CXCL13: variants seen among roughly 807,000 people sequenced by gnomAD.
The protein encoded by CXCL13 is C-X-C motif chemokine ligand 13, also known as C-X-C motif chemokine 13.
CXCL13 carries 7 observed loss-of-function variants against 12.2 expected under a neutral mutation model. That is an observed-to-expected ratio of 0.57 (90% CI 0.33 to 1.07). The LOEUF (loss-of-function observed/expected upper bound fraction) is 1.07, where lower values mean the gene tolerates loss of function less well. Among genes scored for constraint, CXCL13 ranks in the 50% least tolerant of loss-of-function variants. The pLI is 0.04. For synonymous variants in CXCL13, 47 were observed against 42.4 expected (o/e 1.11, Z -0.42); for missense variants, 113 against 127.4 (o/e 0.89, Z 0.55).
chr4:77,568,591 T>C (rs1195748315), intron 1 of CXCL13, among the ~76,000 whole-genome samples: 2 of 152,158 alleles, frequency 1.3e-5, no homozygotes, highest in African/African-American at 4.8e-5. Flanking sequence ...GCGAGAGTCA[T>C]GTTGTTCTGT....
Position 77,532,591 on chromosome 4 carries a change from C to G in CXCL13, c.-43+20803C>G, listed in dbSNP as rs375796371. Among the ~76,000 whole-genome samples, 44 of 152,230 alleles carry G rather than the reference C, an allele frequency of 2.9e-4. 1 individual carries two copies. The South Asian group carries it at 4.6e-3, about 16-fold the overall frequency. ...GTATTTCCTGAATTTGAATGTTGGC[C>G]TGCCTTGCTAGATTGGGGAAATTCT... is the stretch of plus-strand genomic sequence containing the variant. On this transcript the variant is annotated intron_variant, in intron 1 of 4. Coordinates refer to the CXCL13 transcript ENST00000286758.
At chr4:77,584,464 C>A (rs768698407) in intron 1 of CXCL13, among the ~76,000 whole-genome samples, 1 of 152,206 alleles carries the variant, frequency 6.6e-6, no homozygotes, top group Non-Finnish European at 1.5e-5. Context: ...AAAAGTAACA[C>A]TCTTTCCTCA....
At position 77,537,299 on chromosome 4, in the gene CXCL13, G is replaced by A. The variant is rs187822683; in HGVS notation, c.-43+25511G>A. Among the ~76,000 whole-genome samples the A allele has an allele frequency of 3.9e-3, 598 of 152,334 alleles. 4 individuals are homozygous for A. The highest frequency in any genetic ancestry group is 0.017 in the Middle Eastern group (5 of 294). On this transcript the variant is annotated intron_variant, in intron 1 of 4. Transcript: ENST00000286758. The stretch of plus-strand genomic sequence containing the variant: ...AAAGCTGTATGAACACGACTGCAGA[G>A]AGGAGCTGTGTGTGGCATTAGTTGT...
chr4:77,549,185 G>A lies in CXCL13; in HGVS notation c.-43+37397G>A, dbSNP rs191153889. Among the ~76,000 whole-genome samples, 47 of 152,242 alleles carry A rather than the reference G, an allele frequency of 3.1e-4. No homozygotes were observed. The South Asian group carries it at 8.1e-3, about 26-fold the overall frequency. On this transcript the variant is annotated intron_variant, in intron 1 of 4. Coordinates refer to the CXCL13 transcript ENST00000286758. ...TTCTCGTGCCACGGTTTTCAGCTCC[G>A]TCAGGTCATTTAAGGTCTTCTCTAT...
intron 1 of CXCL13, among the ~76,000 whole-genome samples, chr4:77,573,823 A>C (rs1157407552): frequency 6.6e-6 from 1 of 151,888 alleles, no homozygotes; most frequent in Non-Finnish European, 1.5e-5. Flanking sequence ...CAATTTATTT[A>C]TTCTTTTCCC....
At chr4:77,515,730 A>G (rs1404406092) in intron 1 of CXCL13, among the ~76,000 whole-genome samples, 1 of 152,192 alleles carries the variant, frequency 6.6e-6, no homozygotes, top group Non-Finnish European at 1.5e-5. Context: ...GATTTTCTAG[A>G]TATACCATCA....
chr4:77,538,216 C>T (rs1017706872), intron 1 of CXCL13, among the ~76,000 whole-genome samples: 4 of 152,108 alleles, frequency 2.6e-5, no homozygotes, highest in African/African-American at 7.2e-5. Context: ...CAGGAAGGTG[C>T]CTCAGTTCAT....
intron 1 of CXCL13, among the ~76,000 whole-genome samples, chr4:77,571,395 T>C (rs1726075970): frequency 1.3e-5 from 2 of 151,392 alleles, no homozygotes; most frequent in African/African-American, 4.9e-5. Context: ...AGAACCTTTA[T>C]GTCTAGCTCA....
intron 1 of CXCL13, among the ~76,000 whole-genome samples, chr4:77,580,889 C>T (rs565464432): frequency 6.6e-6 from 1 of 150,672 alleles, no homozygotes; most frequent in Non-Finnish European, 1.5e-5. Context: ...GACCCCCTGG[C>T]CTTCCCTTTC....
intron 1 of CXCL13, among the ~76,000 whole-genome samples, chr4:77,521,449 G>A (rs1018283600): frequency 9.9e-5 from 15 of 152,146 alleles, no homozygotes; most frequent in African/African-American, 3.6e-4. Context: ...TCTTGGGAGG[G>A]TGTATGTGTC....
rs541724365 is a variant in CXCL13 at position 77,611,773 on chromosome 4, T to A, written c.*734T>A. The stretch of plus-strand genomic sequence containing the variant: ...GGGCCGGGGGGACTCTGGTATCTAA[T>A]TCTTTAATGATTCCTATAAATCTAA... On this transcript the variant is annotated 3_prime_UTR_variant, in exon 4 of 4. Transcript: ENST00000682537. The A allele has an allele frequency of 1.6e-4, 64 of 398,974 alleles. No individual in the cohort carries two copies. Among genetic ancestry groups the A allele is most frequent in the East Asian group, 7.1e-4 (20 of 28,080 alleles). 24.7% of individuals were successfully genotyped at this position (398,974 alleles called of 1,614,324 possible). A position where few individuals can be genotyped will look rare whatever the true frequency, so the allele number is the denominator to read the frequency against.
intron 1 of CXCL13, among the ~76,000 whole-genome samples, chr4:77,559,037 A>T (rs187467068): frequency 1.3e-5 from 2 of 152,160 alleles, no homozygotes; most frequent in Non-Finnish European, 1.5e-5. Flanking sequence ...AGATATCAGC[A>T]TTTTCTTCCA....
chr4:77,520,272 G>A (rs1724556445), intron 1 of CXCL13, among the ~76,000 whole-genome samples: 1 of 152,170 alleles, frequency 6.6e-6, no homozygotes, highest in Non-Finnish European at 1.5e-5. Flanking sequence ...GTAGCTTGAT[G>A]GGGATGGCAT....
At chr4:77,516,175 A>G (rs898052703) in intron 1 of CXCL13, among the ~76,000 whole-genome samples, 7 of 152,280 alleles carry the variant, frequency 4.6e-5, no homozygotes, top group South Asian at 2.1e-4. Flanking sequence ...ATCATGGTGG[A>G]TAAGCTTTTT....
intron 1 of CXCL13, among the ~76,000 whole-genome samples, chr4:77,537,321 T>C (rs1271541514): frequency 2.0e-5 from 3 of 152,088 alleles, no homozygotes; most frequent in Non-Finnish European, 2.9e-5. Context: ...GTGGCATTAG[T>C]TGTAGAGATG....
intron 1 of CXCL13, among the ~76,000 whole-genome samples, chr4:77,570,752 G>C (rs1327208908): frequency 1.3e-5 from 2 of 149,560 alleles, no homozygotes; most frequent in Non-Finnish European, 2.9e-5. Context: ...TGGTCCTATA[G>C]TCAGAGCGGT....
intron 1 of CXCL13, among the ~76,000 whole-genome samples, chr4:77,555,254 A>C (rs968946427): frequency 1.5e-4 from 23 of 152,176 alleles, no homozygotes; most frequent in African/African-American, 5.3e-4. Flanking sequence ...TAAAAAGATA[A>C]AAGTGGACTA....
intron 1 of CXCL13, among the ~76,000 whole-genome samples, chr4:77,516,282 G>T (rs1309802024): frequency 6.6e-6 from 1 of 152,096 alleles, no homozygotes; most frequent in Non-Finnish European, 1.5e-5. Flanking sequence ...TTTTGGTTGT[G>T]TCTCTGCCCG....
intron 1 of CXCL13, among the ~76,000 whole-genome samples, chr4:77,520,253 A>G (rs1724555941): frequency 6.6e-6 from 1 of 152,212 alleles, no homozygotes; most frequent in African/African-American, 2.4e-5. Flanking sequence ...TCTGTGAAGA[A>G]AGTCATTGGT....
Sources: gnomAD v4.1 joint callset for allele counts (sites outside exome capture counted in the v4.1 genomes callset) on GRCh38, gnomAD v4.1.1 for gene constraint, MANE v1.5 for transcripts, NCBI Gene and HGNC (gene_info 2026-07-23, HGNC 2026-07-21) for gene names.